The following AZI2 variants were observed in gnomAD, a reference collection of about 807,000 sequenced individuals.
AZI2 encodes the protein 5-azacytidine induced 2.
In AZI2, 22 loss-of-function variants were observed where a neutral mutation model predicts 45.8. That is an observed-to-expected ratio of 0.48 (90% confidence interval 0.34 to 0.69). The LOEUF is 0.69. Among genes scored for constraint, AZI2 ranks in the 30% least tolerant of loss-of-function variants. The probability of loss-of-function intolerance (pLI) is 0.01; values close to 1 mark genes in which losing one functional copy is unlikely to be tolerated. For missense variants in AZI2, 417 were observed against 441.5 expected, an observed-to-expected ratio of 0.94 and a Z score of 0.50; for synonymous variants, 137 against 156.7, an observed-to-expected ratio of 0.87 and a Z score of 0.94.
chr3:28,346,623 T>A (rs1181298762), intron 1 of AZI2, among the ~76,000 whole-genome samples: 2 of 152,162 alleles, frequency 1.3e-5, no homozygotes, highest in Non-Finnish European at 2.9e-5. Flanking sequence ...CTGAAGTAAA[T>A]CATATTTAGA....
rs898598354 is a variant in AZI2, at chr3:28,322,648, T to G, written c.*1394A>C. 6.6e-6 allele frequency: 1 copy of G among 151,592 alleles called. No homozygotes were observed. Among genetic ancestry groups the G allele is most frequent in the Non-Finnish European group, 1.5e-5 (1 of 67,406 alleles). 9.4% of individuals were successfully genotyped at this position (151,592 alleles called of 1,614,324 possible). The stretch of plus-strand genomic sequence containing the variant: ...TGCATATTGGGTTTGGTTCTATTAC[T>G]TGGCAGGAGATTGTACTCCCCTGAG... On this transcript the variant is annotated 3_prime_UTR_variant, in exon 8 of 8. Coordinates refer to ENST00000479665, the MANE Select transcript of AZI2 (RefSeq NM_022461.5).
intron 1 of AZI2, among the ~76,000 whole-genome samples, chr3:28,344,255 C>A (rs1392151272): frequency 6.6e-6 from 1 of 151,760 alleles, no homozygotes; most frequent in Non-Finnish European, 1.5e-5. Context: ...ACTATCCCTG[C>A]AAAAATTAAT....
At chr3:28,334,546 A>G (rs1440391620) in intron 5 of AZI2, among the ~76,000 whole-genome samples, 1 of 151,904 alleles carries the variant, frequency 6.6e-6, no homozygotes, top group Non-Finnish European at 1.5e-5. Context: ...GGGCCATGTT[A>G]TAAATATTTC....
intron 1 of AZI2, among the ~76,000 whole-genome samples, chr3:28,344,216 T>C (rs1031490785): frequency 6.6e-6 from 1 of 152,016 alleles, no homozygotes; most frequent in African/African-American, 2.4e-5. Context: ...TTTAAATTTG[T>C]TATAAAATGG....
At chr3:28,331,098 T>C (rs1416580886) in intron 6 of AZI2, among the ~76,000 whole-genome samples, 1 of 151,318 alleles carries the variant, frequency 6.6e-6, no homozygotes, top group Non-Finnish European at 1.5e-5. Flanking sequence ...AAATTCTTAG[T>C]GGATATGACC....
At chr3:28,338,967 C>G (rs1703906580) in intron 2 of AZI2, among the ~76,000 whole-genome samples, 1 of 150,890 alleles carries the variant, frequency 6.6e-6, no homozygotes, top group South Asian at 2.1e-4. Flanking sequence ...AAAGCAGCAC[C>G]TTAGGGCATA....
At chr3:28,347,566 A>G (rs768452115) in intron 1 of AZI2, among the ~76,000 whole-genome samples, 1 of 152,214 alleles carries the variant, frequency 6.6e-6, no homozygotes, top group Non-Finnish European at 1.5e-5. Flanking sequence ...GAAAATGAAG[A>G]AAAAGTTTAG....
At position 28,321,106 on chromosome 3, in the gene AZI2, C is replaced by A. The variant is rs1378159159; in HGVS notation, c.*2936G>T. ...TACTTTTATTTGAAATACAAAGAAACCACATTTTCCCAGGCCACAGATCAA... is the reference window on the plus strand; with the variant it reads ...TACTTTTATTTGAAATACAAAGAAAACACATTTTCCCAGGCCACAGATCAA... On this transcript the variant is annotated 3_prime_UTR_variant, in exon 8 of 8. Coordinates refer to ENST00000479665, the MANE Select transcript of AZI2 (RefSeq NM_022461.5). The A allele has an allele frequency of 2.6e-5, 4 of 151,256 alleles. No individual in the cohort carries two copies. The allele number at this position is 151,256 out of a possible 1,614,324, so 9.4% of individuals were successfully genotyped here. A position where few individuals can be genotyped will look rare whatever the true frequency, so the allele number is the denominator to read the frequency against.
At chr3:28,332,810 TG>T (rs1420614790) in intron 5 of AZI2, among the ~76,000 whole-genome samples, 2 of 151,756 alleles carry the variant, frequency 1.3e-5, no homozygotes, top group African/African-American at 2.4e-5. Flanking sequence ...TATGGGAAAA[TG>T]GAAGTTTTTT....
Position 28,337,931 on chromosome 3 carries a change from G to T in AZI2, c.439+6C>A. 1 of 1,502,058 alleles carries T rather than the reference G, an allele frequency of 6.7e-7. No individual in the cohort carries two copies. Among genetic ancestry groups the T allele is most frequent in the Non-Finnish European group, 9.0e-7 (1 of 1,107,316 alleles). The allele number at this position is 1,502,058 out of a possible 1,614,324, so 93.0% of individuals were successfully genotyped here. A position where few individuals can be genotyped will look rare whatever the true frequency, so the allele number is the denominator to read the frequency against. ...TTAGAATATTTATAACAAGTAACTG[G>T]CATACCCTGCTGAGTTTCCACCTCT... On this transcript the variant is annotated splice_donor_region_variant and intron_variant, in intron 4 of 7. Coordinates refer to ENST00000479665, the MANE Select transcript of AZI2 (RefSeq NM_022461.5).
rs1314910255 is a variant in AZI2, at chr3:28,323,919, T to C, written c.*123A>G. ...TACTATTGTACAGTGTGTTCAAATA[T>C]AGATACTGAAGACCTCTGCAAAATT... On this transcript the variant is annotated 3_prime_UTR_variant, in exon 8 of 8. Coordinates refer to ENST00000479665, the MANE Select transcript of AZI2 (RefSeq NM_022461.5). The C allele has an allele frequency of 3.7e-5, 41 of 1,118,728 alleles. No individual in the cohort carries two copies. The highest frequency in any genetic ancestry group is 1.5e-4 in the Admixed American group (6 of 40,422). The allele number at this position is 1,118,728 out of a possible 1,614,324, so 69.3% of individuals were successfully genotyped here.
intron 1 of AZI2, among the ~76,000 whole-genome samples, chr3:28,347,524 A>G (rs1704299767): frequency 6.6e-6 from 1 of 152,194 alleles, no homozygotes; most frequent in Admixed American, 6.5e-5. Flanking sequence ...TTGGTGCCTT[A>G]GAGTATGTAT....
chr3:28,325,737 G>T (rs1019291812), intron 7 of AZI2, among the ~76,000 whole-genome samples: 1 of 151,030 alleles, frequency 6.6e-6, no homozygotes, highest in Non-Finnish European at 1.5e-5. Context: ...ATTACTCTGT[G>T]AGTCCCTTTA....
intron 5 of AZI2, among the ~76,000 whole-genome samples, chr3:28,335,762 A>C (rs1193446034): frequency 2.6e-5 from 4 of 152,022 alleles, no homozygotes; most frequent in Non-Finnish European, 5.9e-5. Flanking sequence ...AGCAGTCAGG[A>C]AGTATGGGAT....
chr3:28,322,854 A>G lies in AZI2; in HGVS notation c.*1188T>C, dbSNP rs1703229504. 6.6e-6 allele frequency: 1 copy of G among 151,288 alleles called. No individual in the cohort carries two copies. Among genetic ancestry groups the G allele is most frequent in the South Asian group, 2.1e-4 (1 of 4,830 alleles). The allele number at this position is 151,288 out of a possible 1,614,324, so 9.4% of individuals were successfully genotyped here. A position where few individuals can be genotyped will look rare whatever the true frequency, so the allele number is the denominator to read the frequency against. On this transcript the variant is annotated 3_prime_UTR_variant, in exon 8 of 8. Coordinates refer to ENST00000479665, the MANE Select transcript of AZI2 (RefSeq NM_022461.5). The stretch of plus-strand genomic sequence containing the variant: ...AGATCTGAGATATTGAGTTCAAGAT[A>G]TATGAAACTGTCTATCAAAAAGGAT...
At chr3:28,325,424 G>A (rs1477013829) in intron 7 of AZI2, among the ~76,000 whole-genome samples, 1 of 150,978 alleles carries the variant, frequency 6.6e-6, no homozygotes, top group African/African-American at 2.4e-5. Flanking sequence ...AGGAGAACTG[G>A]AAGTGTAGTG....
rs747560229 is a variant in AZI2 at position 28,324,003 on chromosome 3, A to T, written c.*39T>A. ...TTTCTTGGGAGGACCACTGAAAGAG[A>T]TAAGTGTCCTCATGGTGAAATCGTG... is the stretch of plus-strand genomic sequence containing the variant. On this transcript the variant is annotated 3_prime_UTR_variant, in exon 8 of 8. Coordinates refer to ENST00000479665, the MANE Select transcript of AZI2 (RefSeq NM_022461.5). 6.5e-7 allele frequency: 1 copy of T among 1,544,130 alleles called. No individual in the cohort carries two copies.
chr3:28,340,729 AC>A, intron 1 of AZI2, 107 bp from the exon 2 acceptor site: 1 of 862,400 alleles, frequency 1.2e-6, no homozygotes, highest in Non-Finnish European at 1.7e-6. Flanking sequence ...ATGTTTAAAA[AC>A]CAGACTGCCT....
intron 6 of AZI2, among the ~76,000 whole-genome samples, chr3:28,330,234 G>C (rs1024561204): frequency 6.6e-6 from 1 of 151,084 alleles, no homozygotes; most frequent in African/African-American, 2.4e-5. Context: ...TTTATACAAG[G>C]AGTATCATAT....
Sources: allele counts gnomAD v4.1 joint callset (sites outside exome capture counted in the v4.1 genomes callset), GRCh38; gene constraint gnomAD v4.1.1; transcripts MANE v1.5; gene names NCBI Gene and HGNC (gene_info 2026-07-23, HGNC 2026-07-21).